The following CLTCL1 variants were observed in gnomAD, a reference collection of about 807,000 sequenced individuals.
CLTCL1 encodes clathrin heavy chain like 1.
A neutral mutation model predicts 190.0 loss-of-function variants in CLTCL1; 159 were observed. The observed-to-expected ratio is 0.84, with a 90% CI of 0.74 to 0.95. The LOEUF (loss-of-function observed/expected upper bound fraction) is 0.95, where lower values mean the gene tolerates loss of function less well. Among genes scored for constraint, CLTCL1 ranks in the 40% least tolerant of loss-of-function variants. The probability of loss-of-function intolerance (pLI) is 0.00; values close to 1 mark genes in which losing one functional copy is unlikely to be tolerated. For missense variants in CLTCL1, 1,878 were observed against 2,033.4 expected, an observed-to-expected ratio of 0.92 and a Z score of 1.47; for synonymous variants, 752 against 769.6, an observed-to-expected ratio of 0.98 and a Z score of 0.38.
intron 2 of CLTCL1, among the ~76,000 whole-genome samples, chr22:19,269,646 G>A (rs113241422): frequency 1.3e-5 from 2 of 152,244 alleles, no homozygotes; most frequent in South Asian, 2.1e-4. Context: ...CATGGATGAA[G>A]CTGGAAGCCA....
At chr22:19,235,166 G>A (rs1487534073) in intron 6 of CLTCL1, among the ~76,000 whole-genome samples, 1 of 149,750 alleles carries the variant, frequency 6.7e-6, no homozygotes, top group African/African-American at 2.4e-5. Context: ...CACTGTTCCC[G>A]ACTTTTTTTT....
chr22:19,186,219 G>A (rs1374947401), intron 29 of CLTCL1, among the ~76,000 whole-genome samples: 1 of 152,180 alleles, frequency 6.6e-6, no homozygotes, highest in African/African-American at 2.4e-5. Flanking sequence ...GGCCAACTCC[G>A]TAAGTAACAC....
intron 2 of CLTCL1, among the ~76,000 whole-genome samples, chr22:19,260,501 C>T (rs1009075948): frequency 3.3e-5 from 5 of 151,652 alleles, no homozygotes; most frequent in African/African-American, 7.3e-5. Flanking sequence ...ATTGACTGGG[C>T]GCAGTGGCTC....
intron 2 of CLTCL1, among the ~76,000 whole-genome samples, chr22:19,264,946 G>A (rs9605971): frequency 5.3e-5 from 8 of 152,026 alleles, no homozygotes; most frequent in Non-Finnish European, 1.0e-4. Context: ...ACACCAACAT[G>A]CCCAGCAAAT....
At chr22:19,240,152 C>T (rs1398773722) in intron 4 of CLTCL1, among the ~76,000 whole-genome samples, 10 of 151,832 alleles carry the variant, frequency 6.6e-5, no homozygotes, top group Admixed American at 3.9e-4. Flanking sequence ...GATGGGGTTT[C>T]GCTATGTTGG....
chr22:19,281,017 G>A (rs1555986331), intron 1 of CLTCL1, among the ~76,000 whole-genome samples: 1 of 151,650 alleles, frequency 6.6e-6, no homozygotes, highest in Non-Finnish European at 1.5e-5. Context: ...TGGGCCGGGC[G>A]CGGCGGCTCA....
chr22:19,281,606 CT>C (rs1238084151), intron 1 of CLTCL1, among the ~76,000 whole-genome samples: 1 of 152,172 alleles, frequency 6.6e-6, no homozygotes, highest in African/African-American at 2.4e-5. Context: ...CATTCTTGGT[CT>C]TGTCTACCTA....
In CLTCL1 at chr22:19,219,955, C is replaced by G. The variant is rs1474200899; in HGVS notation, c.2849G>C (p.Arg950Thr). The G allele has an allele frequency of 6.2e-7, 1 of 1,613,946 alleles. No homozygotes were observed. Among genetic ancestry groups the G allele is most frequent in the Non-Finnish European group, 8.5e-7 (1 of 1,179,904 alleles). The part of the protein sequence containing the change: ...FKSEARYLVC[R>T]KDPELWAHVL... ...GTGAGCCCAGAGCTCCGGATCCTTT[C>G]TGCATACCAGGTAGCGGGCCTCGCT... Residue 950 changes from arginine to threonine, a missense_variant, in exon 18 of 33, where the codon AGA (arginine) becomes ACA (threonine). Physicochemically the swap from Arg to Thr is moderately conservative, Grantham distance 71 (BLOSUM62 -1). Transcript: ENST00000427926.
intron 22 of CLTCL1, among the ~76,000 whole-genome samples, chr22:19,206,305 C>T (rs927586101): frequency 2.0e-5 from 3 of 152,190 alleles, no homozygotes; most frequent in Admixed American, 6.5e-5. Flanking sequence ...CAGCTCACCC[C>T]GATCACAGCT....
Position 19,223,980 on chromosome 22 carries a change from C to T in CLTCL1, c.2203G>A (p.Ala735Thr). Residue 735 changes from alanine (A) to threonine (T), a missense_variant, in exon 14 of 33, where the codon GCC (alanine) becomes ACC (threonine). By Grantham distance (58) the Ala-to-Thr change is moderately conservative. Transcript: ENST00000427926. The part of the protein sequence containing the change: ...PDVHLKYIQA[A>T]CKTGQIKEVE... ...TCCTTGATCTGCCCTGTCTTACAGG[C>T]AGCCTGAATGTATTTCAGATGCACA... The T allele has an allele frequency of 6.2e-7, 1 of 1,614,022 alleles. No individual in the cohort carries two copies. Among genetic ancestry groups the T allele is most frequent in the Non-Finnish European group, 8.5e-7 (1 of 1,179,890 alleles).
rs535477217 is a variant in CLTCL1, at chr22:19,229,368, T to C, written c.1782+470A>G. On this transcript the variant is annotated intron_variant, in intron 11 of 32. Transcript: ENST00000427926. ...CAAATATTTTGTGGTTCCATGTATA[T>C]GAAATATCTTGAAAAGCCAAATTAA... Among the ~76,000 whole-genome samples, 6 of 152,308 alleles carry C rather than the reference T, an allele frequency of 3.9e-5. No homozygotes were observed. In the East Asian group the frequency reaches 1.2e-3, roughly 29 times the overall value.
chr22:19,221,382 T>C lies in CLTCL1; in HGVS notation c.2791A>G (p.Ile931Val). The change falls in exon 17 of 33, where the codon ATC becomes GTC. Residue 931 changes from isoleucine to valine, a missense_variant. Coordinates refer to ENST00000427926, the MANE Select transcript of CLTCL1 (RefSeq NM_007098.4). Reference protein sequence around the residue: ...YERGQCDLELIKVCNENSLFK... With the variant: ...YERGQCDLELVKVCNENSLFK... ...TCAGCACATCTGCTACCCACCTTGATGAGCTCAAGGTCACACTGCCCCCGC... is the reference window on the plus strand; with the variant it reads ...TCAGCACATCTGCTACCCACCTTGACGAGCTCAAGGTCACACTGCCCCCGC... 3 of 1,547,550 alleles carry C rather than the reference T, an allele frequency of 1.9e-6. No homozygotes were observed. The highest frequency in any genetic ancestry group is 2.6e-6 in the Non-Finnish European group (3 of 1,143,882).
chr22:19,270,877 G>C (rs1481222221), intron 2 of CLTCL1, among the ~76,000 whole-genome samples: 9 of 152,082 alleles, frequency 5.9e-5, no homozygotes, highest in Admixed American at 2.6e-4. Flanking sequence ...GTGTCAAGCA[G>C]CCTTAGATCA....
chr22:19,256,354 C>CTTTTTTTTT (rs1239133099), intron 2 of CLTCL1, among the ~76,000 whole-genome samples: 15 of 104,336 alleles, frequency 1.4e-4, no homozygotes, highest in Non-Finnish European at 2.1e-4. Context: ...TTTCTTTTAT[C>CTTTTTTTTT]TTTTTTTTTT....
At position 19,210,423 on chromosome 22, in the gene CLTCL1, T is replaced by C; in HGVS notation, c.3152A>G (p.Asp1051Gly). ...AGCGATGCTCGCGATGTCCAGTGCG[T>C]CATAGTTGTCCAGGCGGCTGATGTA... ...MEYISRLDNY[D>G]ALDIASIAVS... The change falls in exon 20 of 33, where the codon GAC becomes GGC. Residue 1051 changes from aspartate (D) to glycine (G), a missense_variant. Coordinates refer to ENST00000427926, the MANE Select transcript of CLTCL1 (RefSeq NM_007098.4). The C allele has an allele frequency of 6.2e-7, 1 of 1,613,988 alleles. No individual in the cohort carries two copies. The highest frequency in any genetic ancestry group is 1.1e-5 in the South Asian group (1 of 91,084).
intron 15 of CLTCL1, 83 bp from the exon 16 acceptor site, chr22:19,222,176 C>A: frequency 6.9e-7 from 1 of 1,443,978 alleles, no homozygotes. Flanking sequence ...ACAGTTTGGG[C>A]AAAACCCTGA....
chr22:19,283,571 G>A (rs1257719226), intron 1 of CLTCL1, among the ~76,000 whole-genome samples: 1 of 152,102 alleles, frequency 6.6e-6, no homozygotes, highest in African/African-American at 2.4e-5. Flanking sequence ...ATGCACCACT[G>A]CACTGGACCT....
Position 19,222,067 on chromosome 22 carries a change from C to T in CLTCL1, c.2445G>A (p.Val815=). Residue 815 remains valine, a synonymous_variant, in exon 16 of 33, where the codon GTG becomes GTA. Transcript: ENST00000427926. ...QKVNPSRTPA[V]IGGLLDVDCS... ...AATCCACATCAAGCAGCCCTCCAATCACAGCTGGGGTCCGGCTAGGGTTGA... is the reference window on the plus strand; with the variant it reads ...AATCCACATCAAGCAGCCCTCCAATTACAGCTGGGGTCCGGCTAGGGTTGA... The T allele has an allele frequency of 6.2e-7, 1 of 1,614,026 alleles. No homozygotes were observed.
intron 3 of CLTCL1, among the ~76,000 whole-genome samples, chr22:19,248,976 C>T (rs2086504937): frequency 6.6e-6 from 1 of 152,214 alleles, no homozygotes; most frequent in African/African-American, 2.4e-5. Context: ...CGCCCCAAGA[C>T]CTTGTATTGA....
Sources: allele counts gnomAD v4.1 joint callset (sites outside exome capture counted in the v4.1 genomes callset), GRCh38; gene constraint gnomAD v4.1.1; transcripts MANE v1.5; gene names NCBI Gene and HGNC (gene_info 2026-07-23, HGNC 2026-07-21).